The following IGFBP5 variants were observed in gnomAD, a reference collection of about 807,000 sequenced individuals.
IGFBP5 encodes the protein insulin-like growth factor-binding protein 5.
In IGFBP5, 12 loss-of-function variants were observed where a neutral mutation model predicts 28.0. That is an observed-to-expected ratio of 0.43 (90% CI 0.27 to 0.69). The LOEUF is 0.69. Ranked by LOEUF, IGFBP5 falls within the 30% of genes least tolerant of loss-of-function variation. The pLI, the probability that IGFBP5 is intolerant of heterozygous loss-of-function variation, is 0.20. For synonymous variants in IGFBP5, 152 were observed against 150.2 expected (o/e 1.01, Z -0.09); for missense variants, 344 against 381.6 (o/e 0.90, Z 0.82).
chr2:216,680,436 C>T (rs570279456), intron 1 of IGFBP5, among the ~76,000 whole-genome samples: 15 of 152,170 alleles, frequency 9.9e-5, no homozygotes, highest in East Asian at 3.9e-4. Context: ...TTTGAGAAGA[C>T]GCTGTTTTAT....
At chr2:216,693,653 T>A (rs1689128688) in intron 1 of IGFBP5, among the ~76,000 whole-genome samples, 1 of 152,064 alleles carries the variant, frequency 6.6e-6, no homozygotes, top group Non-Finnish European at 1.5e-5. Flanking sequence ...AGGCACAGAA[T>A]ACCAAACCCT....
Position 216,679,682 on chromosome 2 carries a change from G to T in IGFBP5, c.338-603C>A, listed in dbSNP as rs1360407681. On this transcript the variant is annotated intron_variant, in intron 1 of 3. Coordinates refer to ENST00000233813, the MANE Select transcript of IGFBP5 (RefSeq NM_000599.4). This position sits in a 1 kb window ranked among gnomAD's most constrained non-coding sequence, Gnocchi z 4.6. ...TCCTGGGGTCTGGAGCAGCAGGGTG[G>T]TGAGGACCTTCATAAGCGGCAGGAG... is the stretch of plus-strand genomic sequence containing the variant. Among the ~76,000 whole-genome samples, 2 of 152,118 alleles carry T rather than the reference G, an allele frequency of 1.3e-5. No individual in the cohort carries two copies. Among genetic ancestry groups the T allele is most frequent in the African/African-American group, 4.8e-5 (2 of 41,420 alleles).
intron 3 of IGFBP5, among the ~76,000 whole-genome samples, chr2:216,677,587 C>T (rs924751456): frequency 1.3e-5 from 2 of 152,082 alleles, no homozygotes; most frequent in African/African-American, 4.8e-5. Context: ...TTATTGGTGC[C>T]CTTAAAGCAG....
rs1482858966 is a variant in IGFBP5 at position 216,692,402 on chromosome 2, T to TGTGTGTGTGA, written c.337+2036_337+2037insTCACACACAC. Among the ~76,000 whole-genome samples, 4 of 149,114 alleles carry TGTGTGTGTGA rather than the reference T, an allele frequency of 2.7e-5. No individual in the cohort carries two copies. Among genetic ancestry groups the TGTGTGTGTGA allele is most frequent in the Non-Finnish European group, 4.5e-5 (3 of 67,326 alleles). ...GTGTGTGTGTGTGTGTGTGTGTGTG[T>TGTGTGTGTGA]GATGCGCCCTCCGTGCTCGCCTAGC... On this transcript the variant is annotated intron_variant, in intron 1 of 3. Transcript: ENST00000233813. The surrounding 1 kb of genome is among the most constrained non-coding windows in gnomAD (Gnocchi z 4.2).
At chr2:216,680,345 G>A (rs1416454755) in intron 1 of IGFBP5, among the ~76,000 whole-genome samples, 4 of 152,194 alleles carry the variant, frequency 2.6e-5, no homozygotes, top group East Asian at 1.9e-4. Flanking sequence ...AACAGTGACC[G>A]CCAGACATCT....
chr2:216,690,585 C>T (rs1392442128), intron 1 of IGFBP5, among the ~76,000 whole-genome samples: 2 of 152,176 alleles, frequency 1.3e-5, no homozygotes, highest in African/African-American at 4.8e-5. Context: ...ACGATGACCT[C>T]TGGCTCCTAG....
intron 1 of IGFBP5, among the ~76,000 whole-genome samples, chr2:216,691,836 C>CGTGTGTGTGTGTGTGTGT (rs56040272): frequency 6.6e-5 from 8 of 121,226 alleles, no homozygotes; most frequent in Admixed American, 8.7e-5. Context: ...TATAATATGT[C>CGTGTGTGTGTGTGTGTGT]GTGTGTGTGT....
intron 1 of IGFBP5, among the ~76,000 whole-genome samples, chr2:216,683,352 G>T (rs1689001463): frequency 6.6e-6 from 1 of 152,116 alleles, no homozygotes; most frequent in African/African-American, 2.4e-5. Flanking sequence ...CTCTAGCCTG[G>T]GGGACAGAGT....
chr2:216,691,836 CGTGT>C (rs56040272), intron 1 of IGFBP5, among the ~76,000 whole-genome samples: 59,336 of 120,896 alleles, frequency 0.49, 14,092 homozygotes, highest in South Asian at 0.58. Context: ...TATAATATGT[CGTGT>C]GTGTGTGTGT....
At chr2:216,693,212 G>C (rs539141670) in intron 1 of IGFBP5, among the ~76,000 whole-genome samples, 1 of 152,032 alleles carries the variant, frequency 6.6e-6, no homozygotes, top group South Asian at 2.1e-4. Flanking sequence ...CAGTCTAAGG[G>C]GGTAGAACTG....
intron 1 of IGFBP5, among the ~76,000 whole-genome samples, chr2:216,680,218 CCT>C (rs1473244335): frequency 6.6e-6 from 1 of 152,016 alleles, no homozygotes; most frequent in Non-Finnish European, 1.5e-5. Context: ...TCATTGCCTC[CCT>C]CTTTTTTCAA....
chr2:216,680,631 G>A (rs958307029), intron 1 of IGFBP5, among the ~76,000 whole-genome samples: 18 of 152,172 alleles, frequency 1.2e-4, no homozygotes, highest in Non-Finnish European at 2.4e-4. Flanking sequence ...TAGGTATCTG[G>A]TCTTTAAGGC....
chr2:216,687,557 T>G (rs959484228), intron 1 of IGFBP5, among the ~76,000 whole-genome samples: 1 of 152,206 alleles, frequency 6.6e-6, no homozygotes, highest in African/African-American at 2.4e-5. Flanking sequence ...TGGCGATAAC[T>G]GTACACATAG....
chr2:216,691,422 CAA>C (rs1689094218), intron 1 of IGFBP5, among the ~76,000 whole-genome samples: 2 of 92,952 alleles, frequency 2.2e-5, no homozygotes, highest in Non-Finnish European at 4.9e-5. Flanking sequence ...TGCCCGAAAG[CAA>C]ACCCAGTACT....
intron 1 of IGFBP5, among the ~76,000 whole-genome samples, chr2:216,681,026 C>T (rs1046257663): frequency 1.1e-4 from 16 of 151,946 alleles, no homozygotes; most frequent in African/African-American, 3.6e-4. Flanking sequence ...TTGGTTGTAG[C>T]GCAAGTGAGA....
intron 1 of IGFBP5, among the ~76,000 whole-genome samples, chr2:216,689,692 A>G (rs1309795879): frequency 3.3e-5 from 5 of 152,226 alleles, no homozygotes; most frequent in Non-Finnish European, 5.9e-5. Flanking sequence ...CTGCTGCCAC[A>G]TCTTGGGCAA....
chr2:216,682,714 G>GTT (rs71401160), intron 1 of IGFBP5, among the ~76,000 whole-genome samples: 4 of 143,234 alleles, frequency 2.8e-5, no homozygotes, highest in Non-Finnish European at 3.1e-5. Context: ...AGCGTTTTTT[G>GTT]TTTTTTTTTT....
chr2:216,678,782 T>A (rs992548447), intron 2 of IGFBP5, 68 bp downstream of exon 2: 188 of 1,320,556 alleles, frequency 1.4e-4, no homozygotes, highest in South Asian at 3.2e-4. Context: ...CCTGCCGCCA[T>A]GAATGTCCAT....
chr2:216,683,253 GGGAGGTTGGAGGTA>G (rs1230452833), intron 1 of IGFBP5, among the ~76,000 whole-genome samples: 1 of 152,212 alleles, frequency 6.6e-6, no homozygotes, highest in African/African-American at 2.4e-5. Flanking sequence ...CCCGGAAGGT[GGGAGGTTGGAGGTA>G]GGAGGTTGGA....
Sources: gnomAD v4.1 joint callset for allele counts (sites outside exome capture counted in the v4.1 genomes callset) on GRCh38, gnomAD v4.1.1 for gene constraint, Gnocchi (gnomAD v3.1) non-coding constraint, MANE v1.5 for transcripts, NCBI Gene and HGNC (gene_info 2026-07-23, HGNC 2026-07-21) for gene names.